Variants in CTNNA2 observed in about 807,000 individuals in gnomAD.
The protein encoded by CTNNA2 is catenin alpha-2.
In CTNNA2, 42 loss-of-function variants were observed where a neutral mutation model predicts 101.0. The observed-to-expected ratio is 0.42, with a 90% confidence interval of 0.32 to 0.54. CTNNA2 has a LOEUF of 0.54. CTNNA2 is among the 20% of genes least tolerant of loss of function. The pLI is 0.14. For missense variants in CTNNA2, 871 were observed against 1,223.1 expected (o/e 0.71, Z 4.29); for synonymous variants, 450 against 456.4 (o/e 0.99, Z 0.18).
At chr2:80,530,834 G>A (rs1240924561) in intron 9 of CTNNA2, among the ~76,000 whole-genome samples, 9 of 152,220 alleles carry the variant, frequency 5.9e-5, no homozygotes, top group Admixed American at 2.0e-4. Context: ...TTGCTCCCAG[G>A]GGAAAAGCAT....
rs374286470 is a variant in CTNNA2, at chr2:80,121,319, A to G, written c.1056+211522A>G. Among the ~76,000 whole-genome samples, 9 of 152,304 alleles carry G rather than the reference A, an allele frequency of 5.9e-5. No homozygotes were observed. The East Asian group carries it at 1.7e-3, about 29-fold the overall frequency. On this transcript the variant is annotated intron_variant, in intron 7 of 18. Coordinates refer to ENST00000402739, the MANE Select transcript of CTNNA2 (RefSeq NM_001282597.3). ...AGTCACATATGTTCTCTGTACTTCA[A>G]TTTATTAATATGTATAATGGGAATA... is the stretch of plus-strand genomic sequence containing the variant.
intron 1 of CTNNA2, chr2:79,547,838 T>A (rs1212900657): frequency 1.3e-5 from 2 of 152,718 alleles, no homozygotes; most frequent in Non-Finnish European, 2.9e-5. Flanking sequence ...ATGAGTTCTC[T>A]AATATAGAAA....
chr2:80,071,018 CTTGT>C (rs1698305678), intron 7 of CTNNA2, among the ~76,000 whole-genome samples: 1 of 152,192 alleles, frequency 6.6e-6, no homozygotes, highest in African/African-American at 2.4e-5. Context: ...CCTTAACTTA[CTTGT>C]GTCTGCACAG....
At chr2:79,343,621 C>T (rs572035235) in intron 3 of CTNNA2, among the ~76,000 whole-genome samples, 58 of 152,180 alleles carry the variant, frequency 3.8e-4, no homozygotes, top group African/African-American at 1.3e-3. Context: ...ACACACATGA[C>T]CCAGTCTAGG....
intron 12 of CTNNA2, 101 bp from the exon 13 acceptor site, chr2:80,574,062 A>G: frequency 8.1e-7 from 1 of 1,229,462 alleles, no homozygotes; most frequent in Admixed American, 1.9e-5. Context: ...GCTCCACTTA[A>G]CTTTTAGAAT....
At chr2:79,589,912 A>T (rs1237193233) in intron 1 of CTNNA2, among the ~76,000 whole-genome samples, 2 of 152,202 alleles carry the variant, frequency 1.3e-5, no homozygotes, top group African/African-American at 4.8e-5. Flanking sequence ...AATTTAGTTA[A>T]AAAGCAAAGC....
intron 7 of CTNNA2, among the ~76,000 whole-genome samples, chr2:80,048,244 A>T (rs2104316521): frequency 6.6e-6 from 1 of 152,272 alleles, no homozygotes; most frequent in South Asian, 2.1e-4. Context: ...ATACTAAAAT[A>T]TTTGCTGTTT....
intron 2 of CTNNA2, among the ~76,000 whole-genome samples, chr2:79,733,242 A>G (rs766415027): frequency 4.6e-5 from 7 of 152,148 alleles, no homozygotes; most frequent in Non-Finnish European, 8.8e-5. Context: ...ATGAGCTAAT[A>G]TCTTAAGGAC....
intron 15 of CTNNA2, among the ~76,000 whole-genome samples, chr2:80,590,695 A>G (rs538747674): frequency 6.7e-4 from 102 of 152,218 alleles, no homozygotes; most frequent in Non-Finnish European, 1.1e-3. Flanking sequence ...CTTTTTCCCA[A>G]TATTTTAAAA....
chr2:80,577,953 A>C lies in CTNNA2; in HGVS notation c.1893+3639A>C, dbSNP rs372940338. On this transcript the variant is annotated intron_variant, in intron 13 of 18. Coordinates refer to ENST00000402739, the MANE Select transcript of CTNNA2 (RefSeq NM_001282597.3). ...TCATTTCACCGGGACTCATTTGTAA[A>C]ATTTACTCAACAACTCACATGTCCA... Among the ~76,000 whole-genome samples, 7 of 152,248 alleles carry C rather than the reference A, an allele frequency of 4.6e-5. No individual in the cohort carries two copies. In the South Asian group the frequency reaches 1.5e-3, roughly 32 times the overall value.
chr2:80,176,886 C>T (rs1032712121), intron 7 of CTNNA2, among the ~76,000 whole-genome samples: 7 of 152,240 alleles, frequency 4.6e-5, no homozygotes, highest in Non-Finnish European at 7.4e-5. Flanking sequence ...TTAATAGAAT[C>T]GTTGTTGTGT....
rs144250152 is a variant in CTNNA2, at chr2:80,624,897, C to T, written c.2574+5669C>T. 3.0e-3 allele frequency among the ~76,000 whole-genome samples: 452 copies of T among 151,910 alleles called. 5 individuals are homozygous for T. Among genetic ancestry groups the T allele is most frequent in the African/African-American group, 9.9e-3 (412 of 41,482 alleles). ...TAGATATATGTAGTTAATTTTAGTT[C>T]TTACAGATATCTCTTGCCAATGATC... is the stretch of plus-strand genomic sequence containing the variant. On this transcript the variant is annotated intron_variant, in intron 18 of 18. Transcript: ENST00000402739.
At chr2:80,087,117 G>T (rs1699491789) in intron 7 of CTNNA2, among the ~76,000 whole-genome samples, 1 of 152,066 alleles carries the variant, frequency 6.6e-6, no homozygotes, top group Middle Eastern at 3.4e-3. Flanking sequence ...TGTTAGGCCT[G>T]TTATAAAAGG....
chr2:80,633,077 C>T (rs1364065017), intron 18 of CTNNA2, among the ~76,000 whole-genome samples: 5 of 151,984 alleles, frequency 3.3e-5, no homozygotes, highest in African/African-American at 1.2e-4. Context: ...AGTGGTTGAA[C>T]AAGAAATACA....
At chr2:80,513,542 G>A (rs1376289345) in intron 9 of CTNNA2, among the ~76,000 whole-genome samples, 1 of 152,140 alleles carries the variant, frequency 6.6e-6, no homozygotes, top group Non-Finnish European at 1.5e-5. Flanking sequence ...TTCTTTTATT[G>A]AATGTGTGGT....
At chr2:79,498,621 A>G (rs1392781407) in intron 4 of CTNNA2, among the ~76,000 whole-genome samples, 1 of 152,152 alleles carries the variant, frequency 6.6e-6, no homozygotes, top group African/African-American at 2.4e-5. Flanking sequence ...GTACAAGGAC[A>G]CCATAACTTT....
chr2:79,480,736 C>A (rs139052870), intron 4 of CTNNA2, among the ~76,000 whole-genome samples: 2 of 152,240 alleles, frequency 1.3e-5, no homozygotes, highest in Admixed American at 1.3e-4. Flanking sequence ...CACTCTGGTA[C>A]TTCGATTTTT....
intron 6 of CTNNA2, among the ~76,000 whole-genome samples, chr2:79,887,909 G>T (rs17018086): frequency 6.6e-6 from 1 of 151,880 alleles, no homozygotes; most frequent in African/African-American, 2.4e-5. Context: ...AAGCAGGAGC[G>T]TTCCAGCATT....
chr2:80,608,111 C>A, intron 16 of CTNNA2, 73 bp from the exon 17 acceptor site: 2 of 1,459,918 alleles, frequency 1.4e-6, no homozygotes, highest in South Asian at 1.4e-5. Flanking sequence ...TTTCTTCCTG[C>A]AGCTTTTCTA....
Sources: allele counts gnomAD v4.1 joint callset (sites outside exome capture counted in the v4.1 genomes callset), GRCh38; gene constraint gnomAD v4.1.1; transcripts MANE v1.5; gene names NCBI Gene and HGNC (gene_info 2026-07-23, HGNC 2026-07-21).